The following SPIDR variants were observed in gnomAD, a reference collection of about 807,000 sequenced individuals.
SPIDR encodes the protein DNA repair-scaffolding protein.
SPIDR carries 93 observed loss-of-function variants against 104.6 expected under a neutral mutation model. That is an observed-to-expected ratio of 0.89 (90% CI 0.75 to 1.06). SPIDR has a LOEUF of 1.06. Among genes scored for constraint, SPIDR ranks in the 50% least tolerant of loss-of-function variants. The probability of loss-of-function intolerance (pLI) is 0.00; values close to 1 mark genes in which losing one functional copy is unlikely to be tolerated. For synonymous variants in SPIDR, 431 were observed against 416.9 expected (o/e 1.03, Z -0.41); for missense variants, 1,154 against 1,111.2 (o/e 1.04, Z -0.55).
At chr8:47,398,285 C>T (rs1243488357) in intron 6 of SPIDR, among the ~76,000 whole-genome samples, 1 of 152,116 alleles carries the variant, frequency 6.6e-6, no homozygotes, top group Non-Finnish European at 1.5e-5. Context: ...GACCACTTGC[C>T]AAGCACTGTT....
At chr8:47,733,628 C>T (rs2085650568) in intron 19 of SPIDR, among the ~76,000 whole-genome samples, 1 of 152,000 alleles carries the variant, frequency 6.6e-6, no homozygotes, top group African/African-American at 2.4e-5. Flanking sequence ...CGTGCGGTGA[C>T]CCTGCTTCTG....
intron 6 of SPIDR, among the ~76,000 whole-genome samples, chr8:47,401,082 G>A (rs1395804607): frequency 2.0e-5 from 3 of 152,162 alleles, no homozygotes; most frequent in African/African-American, 7.2e-5. Context: ...AGGGCAGCCA[G>A]AGAGAAAGGT....
In SPIDR at chr8:47,728,941, T is replaced by C; in HGVS notation, c.2444T>C (p.Phe815Ser). ...GGCTTTTCATATACCAGAGGCGCCT[T>C]TTCCTGTGGGGACTGCTCCCGGGTG... Reference protein sequence around the residue: ...LEQRPEDRGAFSCGDCSRVVT... With the variant: ...LEQRPEDRGASSCGDCSRVVT... The change falls in exon 18 of 20, where the codon TTT becomes TCT. Residue 815 changes from phenylalanine (F) to serine (S), a missense_variant. Coordinates refer to ENST00000297423, the MANE Select transcript of SPIDR (RefSeq NM_001080394.4). 1 of 1,609,762 alleles carries C rather than the reference T, an allele frequency of 6.2e-7. No homozygotes were observed. Among genetic ancestry groups the C allele is most frequent in the South Asian group, 1.1e-5 (1 of 90,740 alleles).
chr8:47,365,976 GCA>G (rs59590542), intron 5 of SPIDR, among the ~76,000 whole-genome samples: 2,851 of 148,380 alleles, frequency 0.019, 85 homozygotes, highest in African/African-American at 0.066. Flanking sequence ...ACATGCACAA[GCA>G]CACACACACA....
chr8:47,528,194 A>G (rs1162726745), intron 8 of SPIDR: 1 of 152,234 alleles, frequency 6.6e-6, no homozygotes, highest in Non-Finnish European at 1.5e-5. Context: ...ACATGGGGCC[A>G]ATCTGTCTTT....
In SPIDR at chr8:47,505,096, G is replaced by T. The variant is rs181269355; in HGVS notation, c.1097+64554G>T. 5.6e-3 allele frequency among the ~76,000 whole-genome samples: 847 copies of T among 152,332 alleles called. 8 individuals carry two copies. The highest frequency in any genetic ancestry group is 0.014 in the Middle Eastern group (4 of 294). On this transcript the variant is annotated intron_variant, in intron 8 of 19. Transcript: ENST00000297423. ...CAGGGGTCAGAGACCCACTTGAGGAGGCAGTCTGTCCATTCTCAGATCTCC... is the reference window on the plus strand; with the variant it reads ...CAGGGGTCAGAGACCCACTTGAGGATGCAGTCTGTCCATTCTCAGATCTCC...
rs779418279 is a variant in SPIDR at position 47,712,855 on chromosome 8, A to G, written c.2171A>G (p.Asp724Gly). ...GCCCCTCACAGCCTCTTCTTCAAGG[A>G]CGCTCTCCGTGACCAGGGTGTGCTT... The part of the protein sequence containing the change: ...GAAPHSLFFK[D>G]ALRDQGRIVC... The change falls in exon 15 of 20, where the codon GAC becomes GGC. Residue 724 changes from aspartate to glycine, a missense_variant. Physicochemically the swap from Asp to Gly is moderately conservative, Grantham distance 94. Transcript: ENST00000297423. 9 of 1,613,990 alleles carry G rather than the reference A, an allele frequency of 5.6e-6. No homozygotes were observed. Among genetic ancestry groups the G allele is most frequent in the Non-Finnish European group, 7.6e-6 (9 of 1,180,018 alleles).
rs371899378 is a variant in SPIDR, at chr8:47,485,556, C to T, written c.1097+45014C>T. ...TCTGAGAACGGACAGACTGCCTCCT[C>T]AAGTGGGTCCTTGACCCCCGAGTAG... On this transcript the variant is annotated intron_variant, in intron 8 of 19. Transcript: ENST00000297423. Among the ~76,000 whole-genome samples, 5 of 152,250 alleles carry T rather than the reference C, an allele frequency of 3.3e-5. No homozygotes were observed. In the East Asian group the frequency reaches 7.7e-4, roughly 23 times the overall value.
At chr8:47,545,119 C>CT (rs1201682766) in intron 8 of SPIDR, among the ~76,000 whole-genome samples, 396 of 23,922 alleles carry the variant, frequency 0.017, 4 homozygotes, top group South Asian at 0.038. Flanking sequence ...TTCTTTCTTT[C>CT]TTTTTTTTTT....
chr8:47,728,811 T>C, intron 17 of SPIDR, 122 bp from the exon 18 acceptor site: 1 of 1,197,938 alleles, frequency 8.3e-7, no homozygotes, highest in East Asian at 2.5e-5. Context: ...AACTTGATTC[T>C]GAGAGTAAAG....
chr8:47,311,572 A>G (rs1392831419), intron 5 of SPIDR, among the ~76,000 whole-genome samples: 1 of 152,198 alleles, frequency 6.6e-6, no homozygotes, highest in Non-Finnish European at 1.5e-5. Flanking sequence ...TAATGCCAAC[A>G]CTTGGGGAGG....
chr8:47,570,864 G>T (rs1224244085), intron 8 of SPIDR, among the ~76,000 whole-genome samples: 1 of 152,162 alleles, frequency 6.6e-6, no homozygotes, highest in East Asian at 1.9e-4. Context: ...AGGCCTAGGT[G>T]GGCGGATCAC....
intron 8 of SPIDR, among the ~76,000 whole-genome samples, chr8:47,557,837 C>A (rs1259562635): frequency 6.6e-6 from 1 of 152,148 alleles, no homozygotes; most frequent in Non-Finnish European, 1.5e-5. Context: ...CAGTTTTCTA[C>A]TTTAATGCTT....
chr8:47,690,131 T>A (rs1268168838), intron 11 of SPIDR, among the ~76,000 whole-genome samples: 2 of 152,072 alleles, frequency 1.3e-5, no homozygotes, highest in East Asian at 3.9e-4. Context: ...TTTTTCCACC[T>A]CCACGCTGGT....
intron 8 of SPIDR, among the ~76,000 whole-genome samples, chr8:47,486,907 T>A (rs912251782): frequency 6.6e-6 from 1 of 152,136 alleles, no homozygotes; most frequent in African/African-American, 2.4e-5. Flanking sequence ...TGCCAAATTG[T>A]AAAGACCATC....
intron 1 of SPIDR, among the ~76,000 whole-genome samples, chr8:47,264,434 G>A (rs1447819787): frequency 6.6e-6 from 1 of 152,070 alleles, no homozygotes; most frequent in African/African-American, 2.4e-5. Context: ...AGGGCAGTCA[G>A]TTGCTCAAAG....
intron 8 of SPIDR, among the ~76,000 whole-genome samples, chr8:47,559,600 T>A (rs1408500245): frequency 8.5e-5 from 13 of 152,198 alleles, no homozygotes; most frequent in Non-Finnish European, 1.6e-4. Context: ...GGGCCTTTTT[T>A]AAATGCAAGT....
intron 11 of SPIDR, among the ~76,000 whole-genome samples, chr8:47,681,071 A>C (rs2077038907): frequency 6.6e-6 from 1 of 152,240 alleles, no homozygotes; most frequent in African/African-American, 2.4e-5. Flanking sequence ...TCAAAAAACA[A>C]AAAGAGAGAG....
At chr8:47,612,029 A>G (rs1254144414) in intron 10 of SPIDR, among the ~76,000 whole-genome samples, 2 of 152,290 alleles carry the variant, frequency 1.3e-5, no homozygotes, top group Non-Finnish European at 2.9e-5. Flanking sequence ...CCATAAGCGC[A>G]AGACCACCCT....
Sources: allele counts gnomAD v4.1 joint callset (sites outside exome capture counted in the v4.1 genomes callset), GRCh38; gene constraint gnomAD v4.1.1; transcripts MANE v1.5; gene names NCBI Gene and HGNC (gene_info 2026-07-23, HGNC 2026-07-21).